Variants in AP4E1 observed in about 807,000 individuals in gnomAD.
The protein encoded by AP4E1 is AP-4 complex subunit epsilon-1.
In AP4E1, 56 loss-of-function variants were observed where a neutral mutation model predicts 128.2. The observed-to-expected ratio is 0.44, with a 90% confidence interval of 0.35 to 0.55. The LOEUF (loss-of-function observed/expected upper bound fraction) is 0.55. AP4E1 is among the 20% of genes least tolerant of loss of function. AP4E1 has a pLI of 0.00. For missense variants in AP4E1, 1,324 were observed against 1,307.7 expected (o/e 1.01, Z -0.19); for synonymous variants, 484 against 473.1 (o/e 1.02, Z -0.30).
chr15:50,963,935 A>G (rs964432591), intron 14 of AP4E1, among the ~76,000 whole-genome samples: 2 of 152,142 alleles, frequency 1.3e-5, no homozygotes. Flanking sequence ...CAGAAGAGAC[A>G]CTCTTATTCC....
intron 3 of AP4E1, among the ~76,000 whole-genome samples, chr15:50,923,709 G>A (rs1433033221): frequency 1.3e-5 from 2 of 152,088 alleles, no homozygotes; most frequent in African/African-American, 2.4e-5. Context: ...TGTCTATTCC[G>A]TTTCTGGAAT....
In AP4E1 at chr15:50,929,763, A is replaced by G. The variant is rs896710844; in HGVS notation, c.702+595A>G. 6.6e-5 allele frequency among the ~76,000 whole-genome samples: 10 copies of G among 152,160 alleles called. No homozygotes were observed. In the South Asian group the frequency reaches 1.2e-3, roughly 19 times the overall value. ...TGCTATTGAACTCATTTAAAGTTAT[A>G]TTGTTTTTTATGTATCGTGTTCTAA... On this transcript the variant is annotated intron_variant, in intron 6 of 20. Transcript: ENST00000261842.
intron 15 of AP4E1, among the ~76,000 whole-genome samples, chr15:50,979,824 A>C (rs1249296637): frequency 6.6e-6 from 1 of 152,154 alleles, no homozygotes; most frequent in Non-Finnish European, 1.5e-5. Flanking sequence ...ATTTCTGTTC[A>C]TTATAAATTA....
At chr15:50,911,589 T>C (rs1377936184) in intron 1 of AP4E1, among the ~76,000 whole-genome samples, 5 of 151,676 alleles carry the variant, frequency 3.3e-5, no homozygotes, top group Admixed American at 6.6e-5. Flanking sequence ...TTCAAGCGAT[T>C]CTCCTGCCCC....
Position 50,958,471 on chromosome 15 carries a change from A to G in AP4E1, c.1549-21A>G, listed in dbSNP as rs149744266. ...TATAACTTGATATTTCTATATGAAT[A>G]TCTCTTTGTTTTATTTACAGGTATT... On this transcript the variant is annotated intron_variant, in intron 13 of 20. Coordinates refer to ENST00000261842, the MANE Select transcript of AP4E1 (RefSeq NM_007347.5). 25 of 1,586,170 alleles carry G rather than the reference A, an allele frequency of 1.6e-5. No homozygotes were observed. In the Middle Eastern group the frequency reaches 6.8e-4, roughly 43 times the overall value.
chr15:50,940,171 CTT>C (rs2063964373), intron 8 of AP4E1, among the ~76,000 whole-genome samples: 1 of 152,074 alleles, frequency 6.6e-6, no homozygotes, highest in South Asian at 2.1e-4. Flanking sequence ...ATAAAGCGAA[CTT>C]TTTTCACAGC....
At chr15:50,924,170 A>G (rs567890152) in intron 4 of AP4E1, among the ~76,000 whole-genome samples, 166 bp downstream of exon 4, 1 of 152,282 alleles carries the variant, frequency 6.6e-6, no homozygotes, top group Non-Finnish European at 1.5e-5. Flanking sequence ...GGAGTTAAAT[A>G]ATAGAACTTA....
At chr15:50,985,155 G>C (rs2064702185) in intron 16 of AP4E1, among the ~76,000 whole-genome samples, 1 of 151,748 alleles carries the variant, frequency 6.6e-6, no homozygotes, top group South Asian at 2.1e-4. Context: ...TGATGGGGTT[G>C]TTTGTTTTTT....
rs1264836378 is a variant in AP4E1 at position 50,978,579 on chromosome 15, G to A, written c.1967-5443G>A. The stretch of plus-strand genomic sequence containing the variant: ...GTTGAATGTTGAATTATTCACTTAT[G>A]CCCAGGATAGTTTATACTTTATTAT... On this transcript the variant is annotated intron_variant, in intron 15 of 20. Transcript: ENST00000261842. Among the ~76,000 whole-genome samples, 4 of 152,100 alleles carry A rather than the reference G, an allele frequency of 2.6e-5. No homozygotes were observed. The East Asian group carries it at 7.7e-4, about 29-fold the overall frequency.
chr15:50,986,978 A>G (rs1273281144), intron 16 of AP4E1, among the ~76,000 whole-genome samples: 5 of 152,148 alleles, frequency 3.3e-5, no homozygotes, highest in African/African-American at 1.2e-4. Context: ...TATTGCCTCA[A>G]TTTCAGAGCC....
At chr15:50,994,570 T>C (rs1339942441) in intron 17 of AP4E1, among the ~76,000 whole-genome samples, 2 of 152,238 alleles carry the variant, frequency 1.3e-5, no homozygotes, top group African/African-American at 4.8e-5. Context: ...CCTAAAAATA[T>C]TAATAACTAA....
At chr15:50,911,311 GAC>G (rs1343173090) in intron 1 of AP4E1, among the ~76,000 whole-genome samples, 2 of 152,152 alleles carry the variant, frequency 1.3e-5, no homozygotes, top group Non-Finnish European at 2.9e-5. Context: ...ATGAGGAAAA[GAC>G]AGGGAAGAAG....
chr15:50,956,336 T>G (rs2064222750), intron 13 of AP4E1, among the ~76,000 whole-genome samples: 1 of 152,334 alleles, frequency 6.6e-6, no homozygotes, highest in Non-Finnish European at 1.5e-5. Flanking sequence ...TCCTTCTTAC[T>G]AGCTATACAT....
intron 8 of AP4E1, among the ~76,000 whole-genome samples, chr15:50,935,930 AT>A (rs1178403395): frequency 6.6e-6 from 1 of 152,212 alleles, no homozygotes; most frequent in Non-Finnish European, 1.5e-5. Flanking sequence ...ATGAATGGTA[AT>A]TAAGGTAATA....
rs760059413 is a variant in AP4E1 at position 50,950,102 on chromosome 15, C to T, written c.1481C>T (p.Ser494Phe). ...DQQLRLYAVQ[S>F]YLTLLDMENV... ...CAATTAAGACTCTATGCAGTTCAGT[C>T]TTATCTCACTTTACTGGATATGGAA... Residue 494 changes from serine (S) to phenylalanine (F), a missense_variant, in exon 13 of 21, where the codon TCT (serine) becomes TTT (phenylalanine). Transcript: ENST00000261842. 1 of 1,613,344 alleles carries T rather than the reference C, an allele frequency of 6.2e-7. No individual in the cohort carries two copies. The highest frequency in any genetic ancestry group is 1.3e-5 in the African/African-American group (1 of 74,918).
chr15:50,986,607 C>T (rs1410658311), intron 16 of AP4E1, among the ~76,000 whole-genome samples: 4 of 152,186 alleles, frequency 2.6e-5, no homozygotes, highest in Admixed American at 6.5e-5. Context: ...TGCTGGATTA[C>T]GTTTATTGAT....
intron 6 of AP4E1, among the ~76,000 whole-genome samples, chr15:50,930,536 C>T (rs2063820940): frequency 6.6e-6 from 1 of 151,680 alleles, no homozygotes. Context: ...AAGGATTCTA[C>T]CTAAGATATA....
At chr15:50,975,078 T>G (rs1336963706) in intron 15 of AP4E1, among the ~76,000 whole-genome samples, 3 of 152,190 alleles carry the variant, frequency 2.0e-5, no homozygotes, top group Admixed American at 2.0e-4. Context: ...TGGTGTCATA[T>G]CCATGAAATT....
chr15:50,987,436 A>G (rs2064744288), intron 16 of AP4E1, among the ~76,000 whole-genome samples: 1 of 152,158 alleles, frequency 6.6e-6, no homozygotes. Flanking sequence ...TCTTGTGGGC[A>G]TTTAGTGCTA....
Sources: gnomAD v4.1 joint callset for allele counts (sites outside exome capture counted in the v4.1 genomes callset) on GRCh38, gnomAD v4.1.1 for gene constraint, MANE v1.5 for transcripts, NCBI Gene and HGNC (gene_info 2026-07-23, HGNC 2026-07-21) for gene names.